IGSF11: variants seen among roughly 807,000 people sequenced by gnomAD.
IGSF11 encodes the protein CXADR like 1.
A neutral mutation model predicts 41.0 loss-of-function variants in IGSF11; 22 were observed. The ratio of observed to expected loss-of-function variants is 0.54; its 90% CI spans 0.38 to 0.77. The LOEUF (loss-of-function observed/expected upper bound fraction) is 0.77, where lower values mean the gene tolerates loss of function less well. Among genes scored for constraint, IGSF11 ranks in the 30% least tolerant of loss-of-function variants. The pLI, the probability that IGSF11 is intolerant of heterozygous loss-of-function variation, is 0.00. For missense variants in IGSF11, 444 were observed against 530.8 expected (o/e 0.84, Z 1.61); for synonymous variants, 219 against 201.3 (o/e 1.09, Z -0.74).
chr3:118,961,749 T>C (rs1047058406), intron 1 of IGSF11, among the ~76,000 whole-genome samples: 2 of 152,156 alleles, frequency 1.3e-5, no homozygotes, highest in Admixed American at 1.3e-4. Flanking sequence ...ATAGTATAGC[T>C]CACTAAAAGT....
chr3:119,143,141 G>A (rs1267362539), intron 1 of IGSF11, among the ~76,000 whole-genome samples: 1 of 152,036 alleles, frequency 6.6e-6, no homozygotes. Flanking sequence ...GAAGCCATAT[G>A]AAGAAATAAA....
At chr3:119,140,122 T>C (rs1352386878) in intron 1 of IGSF11, among the ~76,000 whole-genome samples, 2 of 151,258 alleles carry the variant, frequency 1.3e-5, no homozygotes, top group African/African-American at 4.8e-5. Flanking sequence ...TATAAAATAA[T>C]AAAATAAAAC....
chr3:119,042,322 C>A (rs546215603), intron 1 of IGSF11, among the ~76,000 whole-genome samples: 1 of 152,166 alleles, frequency 6.6e-6, no homozygotes, highest in African/African-American at 2.4e-5. Context: ...CAGGGAGGGG[C>A]GAAGCCTGAG....
intron 4 of IGSF11, among the ~76,000 whole-genome samples, chr3:118,921,781 A>G (rs931236494): frequency 6.6e-6 from 1 of 152,270 alleles, no homozygotes; most frequent in Non-Finnish European, 1.5e-5. Flanking sequence ...ACTTGGACAA[A>G]AAACACATTT....
At chr3:119,100,600 A>T (rs2076924287) in intron 1 of IGSF11, among the ~76,000 whole-genome samples, 1 of 152,246 alleles carries the variant, frequency 6.6e-6, no homozygotes. Flanking sequence ...GAGTAGGGAG[A>T]TCAAAAATAT....
At chr3:118,948,487 T>G (rs1944327401) in intron 1 of IGSF11, 1 of 151,904 alleles carries the variant, frequency 6.6e-6, no homozygotes, top group Admixed American at 6.6e-5. Flanking sequence ...GACCAGAAAC[T>G]CAAGTTAAGT....
At chr3:118,948,702 A>C (rs903417393) in intron 1 of IGSF11, among the ~76,000 whole-genome samples, 2 of 152,190 alleles carry the variant, frequency 1.3e-5, no homozygotes, top group Non-Finnish European at 2.9e-5. Flanking sequence ...GTGATGGCTC[A>C]CGCCTGTAAT....
At chr3:118,912,184 C>T (rs909314245) in intron 4 of IGSF11, among the ~76,000 whole-genome samples, 1 of 152,190 alleles carries the variant, frequency 6.6e-6, no homozygotes, top group African/African-American at 2.4e-5. Flanking sequence ...GTTCTCTGTG[C>T]ATCTTTAAAG....
At chr3:119,059,697 T>C (rs985953817) in intron 1 of IGSF11, among the ~76,000 whole-genome samples, 1 of 152,038 alleles carries the variant, frequency 6.6e-6, no homozygotes, top group Non-Finnish European at 1.5e-5. Flanking sequence ...CTGCTAAGCA[T>C]CAAGACCTTC....
chr3:119,059,762 A>G (rs1941994927), intron 1 of IGSF11, among the ~76,000 whole-genome samples: 1 of 152,034 alleles, frequency 6.6e-6, no homozygotes, highest in African/African-American at 2.4e-5. Context: ...AGTAGAGTCC[A>G]CCTTCCCCTG....
At chr3:119,064,512 T>TC (rs1491297058) in intron 1 of IGSF11, among the ~76,000 whole-genome samples, 1 of 59,626 alleles carries the variant, frequency 1.7e-5, no homozygotes, top group Non-Finnish European at 3.6e-5. Context: ...TTGGCTGCTC[T>TC]TTTTTTTTTT....
chr3:119,059,164 GTGTA>G (rs1278753421), intron 1 of IGSF11, among the ~76,000 whole-genome samples: 2 of 106,972 alleles, frequency 1.9e-5, no homozygotes, highest in Non-Finnish European at 3.8e-5. Flanking sequence ...TGTAGTGTGT[GTGTA>G]TATACACAGA....
intron 1 of IGSF11, among the ~76,000 whole-genome samples, chr3:119,082,236 G>C (rs1036783067): frequency 6.6e-6 from 1 of 152,062 alleles, no homozygotes; most frequent in Admixed American, 6.5e-5. Flanking sequence ...TAATAGGTAA[G>C]AAAAAATGGC....
chr3:118,909,485 T>C (rs1467868916), intron 4 of IGSF11, among the ~76,000 whole-genome samples: 2 of 152,128 alleles, frequency 1.3e-5, no homozygotes, highest in African/African-American at 2.4e-5. Flanking sequence ...AAAGATGACA[T>C]CACAAATACT....
chr3:119,132,378 CAAAAAAAAAAAA>C (rs58700219), intron 1 of IGSF11, among the ~76,000 whole-genome samples: 7 of 39,782 alleles, frequency 1.8e-4, no homozygotes, highest in South Asian at 1.7e-3. Context: ...AAACAGAAAG[CAAAAAAAAAAAA>C]AAAAAAAAAA....
chr3:119,136,817 T>C (rs768468571), intron 1 of IGSF11, among the ~76,000 whole-genome samples: 2 of 152,062 alleles, frequency 1.3e-5, no homozygotes, highest in Non-Finnish European at 2.9e-5. Context: ...TATAATCTTG[T>C]ATTTGGAAAA....
chr3:119,062,898 A>G (rs1330834574), intron 1 of IGSF11, among the ~76,000 whole-genome samples: 1 of 151,980 alleles, frequency 6.6e-6, no homozygotes, highest in Non-Finnish European at 1.5e-5. Context: ...CATTCACCCC[A>G]CCACATCCTC....
chr3:119,144,101 C>CA (rs1377417704), intron 1 of IGSF11, among the ~76,000 whole-genome samples: 3 of 151,386 alleles, frequency 2.0e-5, no homozygotes, highest in Non-Finnish European at 4.4e-5. Flanking sequence ...GCCCAGGCTG[C>CA]AGTGCAGTGG....
intron 1 of IGSF11, among the ~76,000 whole-genome samples, chr3:118,951,958 C>T (rs1944603813): frequency 1.3e-5 from 2 of 152,136 alleles, no homozygotes; most frequent in South Asian, 4.1e-4. Context: ...TGACTGTATA[C>T]ATACAGACAT....
Sources: gnomAD v4.1 joint callset for allele counts (sites outside exome capture counted in the v4.1 genomes callset) on GRCh38, gnomAD v4.1.1 for gene constraint, MANE v1.5 for transcripts, NCBI Gene and HGNC (gene_info 2026-07-23, HGNC 2026-07-21) for gene names.